Variants in TEX9 observed in about 807,000 individuals in gnomAD.
TEX9 encodes the protein testis expressed 9, also known as testis-expressed protein 9.
Under a neutral mutation model 59.6 loss-of-function variants are expected in TEX9, and 74 were observed. The observed-to-expected ratio is 1.24, with a 90% CI of 1.03 to 1.51. The LOEUF is 1.51. Ranked by LOEUF, TEX9 falls within the 40% of genes most tolerant of loss-of-function variation. The probability of loss-of-function intolerance (pLI) is 0.00; values close to 1 mark genes in which losing one functional copy is unlikely to be tolerated. For missense variants in TEX9, 522 were observed against 447.8 expected (o/e 1.17, Z -1.49); for synonymous variants, 186 against 152.2 (o/e 1.22, Z -1.64).
chr15:56,435,421 C>A (rs1313912546), intron 12 of TEX9, among the ~76,000 whole-genome samples: 2 of 150,950 alleles, frequency 1.3e-5, no homozygotes, highest in African/African-American at 4.9e-5. Flanking sequence ...AGACCTTTAA[C>A]AAGGCTGACC....
intron 6 of TEX9, among the ~76,000 whole-genome samples, chr15:56,391,014 T>C (rs535719577): frequency 6.6e-6 from 1 of 152,242 alleles, no homozygotes; most frequent in East Asian, 1.9e-4. Context: ...TCTTGTAATA[T>C]AGTCCTTGAA....
intron 1 of TEX9, among the ~76,000 whole-genome samples, chr15:56,310,599 T>C (rs1375690358): frequency 6.6e-6 from 1 of 152,188 alleles, no homozygotes; most frequent in African/African-American, 2.4e-5. Context: ...GCTGGTCTAT[T>C]ATGATCCCTG....
At chr15:56,427,633 T>A in exon 11 of TEX9, 1 of 1,543,602 alleles carries the variant, frequency 6.5e-7, no homozygotes, top group Non-Finnish European at 8.7e-7. Flanking sequence ...CACAAAAAAA[T>A]TGAAGTGTTA....
At chr15:56,260,143 T>C (rs2044230631) in intron 1 of TEX9, among the ~76,000 whole-genome samples, 1 of 152,120 alleles carries the variant, frequency 6.6e-6, no homozygotes, top group Non-Finnish European at 1.5e-5. Context: ...TGTGTATATA[T>C]TATTTTGGGT....
chr15:56,327,212 A>G (rs938163772), intron 1 of TEX9, among the ~76,000 whole-genome samples: 1 of 152,208 alleles, frequency 6.6e-6, no homozygotes, highest in Admixed American at 6.5e-5. Flanking sequence ...TTCAATCAAT[A>G]TGAATCTGCT....
Position 56,416,557 on chromosome 15 carries a change from G to A in TEX9, c.963+4121G>A, listed in dbSNP as rs182586228. Among the ~76,000 whole-genome samples the A allele has an allele frequency of 9.0e-3, 1,374 of 152,018 alleles. 23 individuals are homozygous for A. The highest frequency in any genetic ancestry group is 0.01 in the Middle Eastern group (3 of 294). On this transcript the variant is annotated intron_variant, in intron 10 of 12. Coordinates refer to ENST00000352903, the Ensembl canonical transcript of TEX9. ...ACCAACCCTGTATCCCAGGAATGAA[G>A]TCTACTTGATCATGGTAGATAAGCT...
At chr15:56,408,293 T>C (rs1003351420) in intron 9 of TEX9, among the ~76,000 whole-genome samples, 1 of 152,216 alleles carries the variant, frequency 6.6e-6, no homozygotes, top group African/African-American at 2.4e-5. Flanking sequence ...TTGTACTTGG[T>C]CAGTTATTCC....
intron 12 of TEX9, chr15:56,430,081 G>A (rs1431847177): frequency 6.6e-6 from 1 of 152,144 alleles, no homozygotes; most frequent in Non-Finnish European, 1.5e-5. Flanking sequence ...CTTAGCACCA[G>A]AGTGAATATA....
chr15:56,420,819 G>A (rs1042294467), intron 10 of TEX9, among the ~76,000 whole-genome samples: 1 of 151,448 alleles, frequency 6.6e-6, no homozygotes, highest in Admixed American at 6.6e-5. Context: ...CAAACTTTAC[G>A]AGTTTGTCAT....
intron 6 of TEX9, 30 bp from the exon 7 acceptor site, chr15:56,391,213 A>T (rs1219501563): frequency 6.9e-7 from 1 of 1,440,608 alleles, no homozygotes; most frequent in Admixed American, 2.3e-5. Context: ...ACGTATATAC[A>T]TACATATGTA....
intron 12 of TEX9, among the ~76,000 whole-genome samples, chr15:56,437,931 G>A (rs2050755913): frequency 6.6e-6 from 1 of 152,110 alleles, no homozygotes; most frequent in Non-Finnish European, 1.5e-5. Flanking sequence ...CCTCTTCAAG[G>A]AGAACTGCAA....
intron 1 of TEX9, among the ~76,000 whole-genome samples, chr15:56,309,128 T>G (rs2045546582): frequency 6.6e-6 from 1 of 152,198 alleles, no homozygotes; most frequent in African/African-American, 2.4e-5. Flanking sequence ...CTGCAGATCA[T>G]TTGGGGGAGT....
chr15:56,245,616 T>C (rs1235160119), intron 1 of TEX9, among the ~76,000 whole-genome samples: 2 of 152,238 alleles, frequency 1.3e-5, no homozygotes, highest in East Asian at 1.9e-4. Flanking sequence ...TAATGTTTGT[T>C]GAACACTTTG....
intron 12 of TEX9, among the ~76,000 whole-genome samples, chr15:56,440,919 T>A (rs865824067): frequency 6.6e-6 from 1 of 152,194 alleles, no homozygotes; most frequent in African/African-American, 2.4e-5. Flanking sequence ...ATTTCTACTT[T>A]TAGACTATTG....
At chr15:56,429,032 A>C (rs1334789585) in intron 12 of TEX9, 3 of 1,015,996 alleles carry the variant, frequency 3.0e-6, no homozygotes, top group Non-Finnish European at 4.3e-6. Context: ...CTGAACTGTA[A>C]AACAAAAGTT....
chr15:56,444,969 A>G (rs1300683659), intron 12 of TEX9, among the ~76,000 whole-genome samples: 1 of 152,058 alleles, frequency 6.6e-6, no homozygotes, highest in East Asian at 1.9e-4. Context: ...TAGTTTCTTA[A>G]TAACTATTTA....
intron 1 of TEX9, among the ~76,000 whole-genome samples, chr15:56,286,191 A>C (rs934436542): frequency 6.6e-6 from 1 of 152,140 alleles, no homozygotes; most frequent in Non-Finnish European, 1.5e-5. Flanking sequence ...GAAATAGTCC[A>C]CAATTCTTGG....
At chr15:56,264,865 TTTCTC>T (rs561243573) in intron 1 of TEX9, among the ~76,000 whole-genome samples, 64 of 152,330 alleles carry the variant, frequency 4.2e-4, no homozygotes, top group African/African-American at 1.4e-3. Flanking sequence ...TAATCAGTCT[TTTCTC>T]TATGGAATTG....
chr15:56,433,185 A>C (rs776643815), intron 12 of TEX9, among the ~76,000 whole-genome samples: 1 of 149,166 alleles, frequency 6.7e-6, no homozygotes, highest in Non-Finnish European at 1.5e-5. Flanking sequence ...GATGTCACCC[A>C]GTCACCCATT....
Sources: allele counts gnomAD v4.1 joint callset (sites outside exome capture counted in the v4.1 genomes callset), GRCh38; gene constraint gnomAD v4.1.1; transcripts MANE v1.5; gene names NCBI Gene and HGNC (gene_info 2026-07-23, HGNC 2026-07-21).